The following PRKAR1B variants were observed in gnomAD, a reference collection of about 807,000 sequenced individuals.
PRKAR1B encodes cAMP-dependent protein kinase type I-beta regulatory subunit.
A neutral mutation model predicts 46.5 loss-of-function variants in PRKAR1B; 22 were observed. The ratio of observed to expected loss-of-function variants is 0.47; its 90% CI spans 0.34 to 0.68. The LOEUF (loss-of-function observed/expected upper bound fraction) is 0.68. Among genes scored for constraint, PRKAR1B ranks in the 30% least tolerant of loss-of-function variants. The probability of loss-of-function intolerance (pLI) is 0.01; values close to 1 mark genes in which losing one functional copy is unlikely to be tolerated. For synonymous variants in PRKAR1B, 259 were observed against 217.7 expected (o/e 1.19, Z -1.67); for missense variants, 445 against 535.6 (o/e 0.83, Z 1.67).
At chr7:719,623 C>A (rs1173860777) in intron 1 of PRKAR1B, among the ~76,000 whole-genome samples, 1 of 152,156 alleles carries the variant, frequency 6.6e-6, no homozygotes, top group Non-Finnish European at 1.5e-5. Flanking sequence ...GTCCTACTGC[C>A]CTGCTTCTGT....
chr7:713,615 T>C (rs1456925493), intron 1 of PRKAR1B, among the ~76,000 whole-genome samples: 2 of 151,972 alleles, frequency 1.3e-5, no homozygotes, highest in East Asian at 3.9e-4. Flanking sequence ...CATGCTCACC[T>C]GGTCCACACT....
chr7:557,847 A>G (rs1248523870), intron 9 of PRKAR1B, among the ~76,000 whole-genome samples: 1 of 152,094 alleles, frequency 6.6e-6, no homozygotes, highest in Non-Finnish European at 1.5e-5. Flanking sequence ...CCAAAACTCT[A>G]GGTCATACTC....
At chr7:650,636 C>T (rs897557793) in intron 4 of PRKAR1B, among the ~76,000 whole-genome samples, 3 of 152,334 alleles carry the variant, frequency 2.0e-5, no homozygotes, top group Admixed American at 6.5e-5. Context: ...GGCGCAATGG[C>T]GGTGGGTGGG....
chr7:688,086 A>G (rs1322257161), intron 2 of PRKAR1B, among the ~76,000 whole-genome samples: 1 of 92,348 alleles, frequency 1.1e-5, no homozygotes, highest in Non-Finnish European at 2.0e-5. Flanking sequence ...ACAAACCAAC[A>G]CTCCACCTCA....
chr7:571,794 C>T (rs1583222896), intron 9 of PRKAR1B, among the ~76,000 whole-genome samples: 1 of 152,170 alleles, frequency 6.6e-6, no homozygotes, highest in Non-Finnish European at 1.5e-5. Flanking sequence ...GGGCGGGCAC[C>T]GCCCCACCCA....
At chr7:559,338 A>T (rs1048117724) in intron 9 of PRKAR1B, among the ~76,000 whole-genome samples, 2 of 152,164 alleles carry the variant, frequency 1.3e-5, no homozygotes, top group Non-Finnish European at 2.9e-5. Flanking sequence ...GCCGCATCCC[A>T]GGCCGAGAGA....
chr7:690,518 G>C (rs774025995), intron 2 of PRKAR1B, among the ~76,000 whole-genome samples: 1 of 152,160 alleles, frequency 6.6e-6, no homozygotes, highest in Non-Finnish European at 1.5e-5. Flanking sequence ...CAAATTTCAA[G>C]TGCTGAGCTA....
chr7:579,787 T>C (rs968219347), intron 8 of PRKAR1B, among the ~76,000 whole-genome samples: 5 of 152,208 alleles, frequency 3.3e-5, no homozygotes, highest in African/African-American at 1.2e-4. Flanking sequence ...GCACAAAGCC[T>C]ACTAAGTGGT....
At chr7:583,822 G>T (rs1012727756) in intron 8 of PRKAR1B, among the ~76,000 whole-genome samples, 1 of 149,954 alleles carries the variant, frequency 6.7e-6, no homozygotes, top group Non-Finnish European at 1.5e-5. Context: ...GCACACACAC[G>T]CACACACACC....
intron 8 of PRKAR1B, among the ~76,000 whole-genome samples, chr7:579,921 A>AC (rs1364530717): frequency 6.6e-6 from 1 of 151,638 alleles, no homozygotes; most frequent in Non-Finnish European, 1.5e-5. Flanking sequence ...ACATAATGAG[A>AC]CCCCATCTCT....
chr7:564,153 T>C, intron 9 of PRKAR1B, among the ~76,000 whole-genome samples: 1 of 152,010 alleles, frequency 6.6e-6, no homozygotes, highest in Admixed American at 6.6e-5. Context: ...ATTCTGGACC[T>C]GGCCCTCAGC....
chr7:699,468 AC>A (rs988085953), intron 2 of PRKAR1B, among the ~76,000 whole-genome samples: 6 of 151,638 alleles, frequency 4.0e-5, no homozygotes, highest in East Asian at 1.9e-4. Context: ...GTGGGCAGTT[AC>A]CCCCTCAGTC....
At chr7:654,439 AT>A (rs1467846354) in intron 4 of PRKAR1B, among the ~76,000 whole-genome samples, 1 of 151,436 alleles carries the variant, frequency 6.6e-6, no homozygotes, top group Non-Finnish European at 1.5e-5. Flanking sequence ...TACTATCACC[AT>A]CATCATCACC....
At chr7:695,180 T>G (rs999514695) in intron 2 of PRKAR1B, among the ~76,000 whole-genome samples, 1 of 152,196 alleles carries the variant, frequency 6.6e-6, no homozygotes, top group Non-Finnish European at 1.5e-5. Context: ...ACAGTCGCTC[T>G]GTGATCGGCA....
chr7:660,763 C>G (rs1480332281), intron 4 of PRKAR1B, among the ~76,000 whole-genome samples: 4 of 118,274 alleles, frequency 3.4e-5, no homozygotes, highest in Non-Finnish European at 5.3e-5. Context: ...TACCTACTCT[C>G]CCCTCCATAG....
intron 4 of PRKAR1B, among the ~76,000 whole-genome samples, chr7:643,645 T>A (rs1396349464): frequency 6.8e-6 from 1 of 147,756 alleles, no homozygotes; most frequent in Non-Finnish European, 1.5e-5. Flanking sequence ...TCACTTGAAC[T>A]GGGGAGGTGG....
At position 644,742 on chromosome 7, in the gene PRKAR1B, C is replaced by T. The variant is rs1784543979; in HGVS notation, c.440+32487G>A. Among the ~76,000 whole-genome samples, 1 of 152,162 alleles carries T rather than the reference C, an allele frequency of 6.6e-6. No individual in the cohort carries two copies. Among genetic ancestry groups the T allele is most frequent in the African/African-American group, 2.4e-5 (1 of 41,450 alleles). On this transcript the variant is annotated intron_variant, in intron 4 of 10. Transcript: ENST00000537384. The surrounding 1 kb of genome is among the most constrained non-coding windows in gnomAD (Gnocchi z 4.9). Reference sequence around the variant, plus strand: ...AAAGGGCAAACCCCAGCTCTCCCTCCCAGAGGGCAGGCACCAGGGCCAGAC... The same window carrying T: ...AAAGGGCAAACCCCAGCTCTCCCTCTCAGAGGGCAGGCACCAGGGCCAGAC...
intron 4 of PRKAR1B, among the ~76,000 whole-genome samples, chr7:672,190 G>T (rs1370495945): frequency 6.6e-6 from 1 of 151,688 alleles, no homozygotes; most frequent in African/African-American, 2.4e-5. Flanking sequence ...TCGCTCTGTC[G>T]CCCAGGCTGG....
At position 690,842 on chromosome 7, in the gene PRKAR1B, T is replaced by C. The variant is rs1237196564; in HGVS notation, c.178-10116A>G. ...GCAGTCCTGTGTCCAGCTGCACAAA[T>C]GGGTGCCAGCTCCAAGGCTGACCGG... On this transcript the variant is annotated intron_variant, in intron 2 of 10. Transcript: ENST00000537384. Among the ~76,000 whole-genome samples, 3 of 151,496 alleles carry C rather than the reference T, an allele frequency of 2.0e-5. No individual in the cohort carries two copies. In the South Asian group the frequency reaches 6.2e-4, roughly 31 times the overall value.
Sources: allele counts gnomAD v4.1 joint callset (sites outside exome capture counted in the v4.1 genomes callset), GRCh38; gene constraint gnomAD v4.1.1; non-coding constraint Gnocchi (gnomAD v3.1); transcripts MANE v1.5; gene names NCBI Gene and HGNC (gene_info 2026-07-23, HGNC 2026-07-21).